Variants in HECW1 observed in about 807,000 individuals in gnomAD.
HECW1 encodes the protein E3 ubiquitin-protein ligase HECW1.
HECW1 carries 61 observed loss-of-function variants against 182.3 expected under a neutral mutation model. That is an observed-to-expected ratio of 0.33 (90% CI 0.27 to 0.41). The LOEUF (loss-of-function observed/expected upper bound fraction) is 0.41, where lower values mean the gene tolerates loss of function less well. Among genes scored for constraint, HECW1 ranks in the 10% least tolerant of loss-of-function variants. The probability of loss-of-function intolerance (pLI) is 1.00; values close to 1 mark genes in which losing one functional copy is unlikely to be tolerated. For missense variants in HECW1, 1,739 were observed against 2,108.9 expected (o/e 0.82, Z 3.44); for synonymous variants, 859 against 832.6 (o/e 1.03, Z -0.55).
intron 3 of HECW1, among the ~76,000 whole-genome samples, chr7:43,298,610 A>G (rs139018232): frequency 4.3e-4 from 65 of 152,356 alleles, no homozygotes; most frequent in African/African-American, 1.6e-3. Context: ...TGAGGCATTA[A>G]GACTCAGTAG....
intron 8 of HECW1, among the ~76,000 whole-genome samples, chr7:43,423,722 T>C (rs1174916459): frequency 6.6e-6 from 1 of 152,204 alleles, no homozygotes; most frequent in African/African-American, 2.4e-5. Context: ...TGTGCAACTC[T>C]TCCCAACTCC....
chr7:43,445,103 C>T lies in HECW1; in HGVS notation c.1931C>T (p.Ala644Val), dbSNP rs1562986148. The T allele has an allele frequency of 7.5e-6, 12 of 1,606,102 alleles. No individual in the cohort carries two copies. Among genetic ancestry groups the T allele is most frequent in the Non-Finnish European group, 1.0e-5 (12 of 1,177,836 alleles). ...GGHFPSLANG[A>V]AQDGDTHPST... is the part of the protein sequence containing the mutation. ...CACTTCCCCAGCCTGGCCAATGGCG[C>T]GGCCCAGGATGGCGACACGCACCCC... The change falls in exon 11 of 30, where the codon GCG becomes GTG. Residue 644 changes from alanine to valine, a missense_variant. Around this residue, in one of 5 missense-constraint regions of HECW1, gnomAD observed 971 missense variants for 1,029.1 expected, o/e 0.94. Transcript: ENST00000395891.
chr7:43,374,666 T>C lies in HECW1; in HGVS notation c.555+13686T>C, dbSNP rs1266193885. Among the ~76,000 whole-genome samples the C allele has an allele frequency of 3.0e-5, 3 of 101,656 alleles. 1 individual carries two copies. Among genetic ancestry groups the C allele is most frequent in the Non-Finnish European group, 5.4e-5 (3 of 55,226 alleles). The allele number at this position is 101,656 out of a possible 152,430, so 66.7% of individuals were successfully genotyped here. ...GCGGGCGCCTGTAGTCCCAGCTACT[T>C]GGGAAGCTGAGGCAGGAGAATGGCT... On this transcript the variant is annotated intron_variant, in intron 6 of 29. Transcript: ENST00000395891.
intron 3 of HECW1, 97 bp from the exon 4 acceptor site, chr7:43,311,666 G>A: frequency 1.8e-6 from 2 of 1,093,856 alleles, no homozygotes; most frequent in Non-Finnish European, 2.8e-6. Flanking sequence ...CTCACTCACA[G>A]CGCGTGTCTC....
At chr7:43,121,769 T>C (rs1785645885) in intron 2 of HECW1, 1 of 152,152 alleles carries the variant, frequency 6.6e-6, no homozygotes, top group Non-Finnish European at 1.5e-5. Flanking sequence ...ATGAGTATCA[T>C]TATTTGCTTA....
chr7:43,305,158 G>A (rs1311069455), intron 3 of HECW1, among the ~76,000 whole-genome samples: 2 of 152,158 alleles, frequency 1.3e-5, no homozygotes, highest in Non-Finnish European at 2.9e-5. Flanking sequence ...TTCCTGCGAT[G>A]ACCTTGGCTT....
At chr7:43,256,891 C>T (rs922011332) in intron 3 of HECW1, among the ~76,000 whole-genome samples, 1 of 152,154 alleles carries the variant, frequency 6.6e-6, no homozygotes, top group Non-Finnish European at 1.5e-5. Context: ...TTGACAATCA[C>T]TTATTCAACT....
chr7:43,269,604 C>T (rs188867606), intron 3 of HECW1, among the ~76,000 whole-genome samples: 12 of 152,246 alleles, frequency 7.9e-5, no homozygotes, highest in South Asian at 6.2e-4. Context: ...AGGAAATAAA[C>T]GAATTGAAAG....
intron 2 of HECW1, among the ~76,000 whole-genome samples, chr7:43,184,037 A>G (rs7787852): frequency 1 from 151,886 of 151,902 alleles, 75,935 homozygotes; most frequent in Middle Eastern, 1. Context: ...TTTTTGAGAC[A>G]AAGTCTCGCT....
At chr7:43,478,898 A>C (rs1004811923) in intron 16 of HECW1, among the ~76,000 whole-genome samples, 10 of 152,156 alleles carry the variant, frequency 6.6e-5, no homozygotes, top group African/African-American at 2.2e-4. Context: ...GTGTTGAATA[A>C]AGTATTATAG....
intron 8 of HECW1, among the ~76,000 whole-genome samples, chr7:43,411,272 C>T (rs1053271146): frequency 6.6e-5 from 10 of 151,794 alleles, no homozygotes; most frequent in Non-Finnish European, 1.2e-4. Context: ...GTTTAATTTC[C>T]AAACCTGGGG....
At chr7:43,118,133 G>C (rs554902690) in intron 2 of HECW1, 1 of 152,374 alleles carries the variant, frequency 6.6e-6, no homozygotes, top group African/African-American at 2.4e-5. Flanking sequence ...CTTCATTCGG[G>C]GTCCCTTTTA....
At chr7:43,459,505 G>GA (rs952658120) in intron 13 of HECW1, among the ~76,000 whole-genome samples, 4 of 150,796 alleles carry the variant, frequency 2.7e-5, no homozygotes, top group Non-Finnish European at 4.4e-5. Context: ...GTTTTAAATA[G>GA]AAAAAAGTGA....
At chr7:43,402,791 C>G (rs1236455819) in intron 7 of HECW1, among the ~76,000 whole-genome samples, 1 of 152,202 alleles carries the variant, frequency 6.6e-6, no homozygotes, top group Non-Finnish European at 1.5e-5. Flanking sequence ...CATGCAAATG[C>G]TTTACTTGTC....
At chr7:43,336,089 C>CTCTT (rs1162073305) in intron 5 of HECW1, among the ~76,000 whole-genome samples, 4 of 141,596 alleles carry the variant, frequency 2.8e-5, no homozygotes, top group Admixed American at 7.2e-5. Context: ...TTCTTTCTTT[C>CTCTT]TCTTTCTTTC....
At chr7:43,430,498 T>C (rs887214390) in intron 8 of HECW1, among the ~76,000 whole-genome samples, 5 of 152,226 alleles carry the variant, frequency 3.3e-5, no homozygotes, top group African/African-American at 1.2e-4. Flanking sequence ...CAACACAGTT[T>C]ATAAAGCATA....
chr7:43,331,307 G>A (rs962524349), intron 5 of HECW1, among the ~76,000 whole-genome samples: 1 of 152,050 alleles, frequency 6.6e-6, no homozygotes, highest in African/African-American at 2.4e-5. Context: ...AGATCGGGGT[G>A]GGGCCAGGCA....
At chr7:43,294,534 G>GA (rs1222554740) in intron 3 of HECW1, among the ~76,000 whole-genome samples, 2 of 152,324 alleles carry the variant, frequency 1.3e-5, no homozygotes, top group African/African-American at 2.4e-5. Context: ...GATGCAGTCA[G>GA]AAAAAAGCAG....
chr7:43,268,634 A>G (rs1802042305), intron 3 of HECW1, among the ~76,000 whole-genome samples: 1 of 152,226 alleles, frequency 6.6e-6, no homozygotes, highest in African/African-American at 2.4e-5. Context: ...CTGTAGGATG[A>G]TGAATCCCTG....
Sources: allele counts gnomAD v4.1 joint callset (sites outside exome capture counted in the v4.1 genomes callset), GRCh38; gene constraint gnomAD v4.1.1; regional missense constraint gnomAD v4.1.1; transcripts MANE v1.5; gene names NCBI Gene and HGNC (gene_info 2026-07-23, HGNC 2026-07-21).